Variants in NUP214 observed in about 807,000 individuals in gnomAD.
NUP214 encodes the protein nucleoporin 214.
Under a neutral mutation model 196.2 loss-of-function variants are expected in NUP214, and 79 were observed. That is an observed-to-expected ratio of 0.40 (90% CI 0.34 to 0.49). The LOEUF (loss-of-function observed/expected upper bound fraction) is 0.49. Ranked by LOEUF, NUP214 falls within the 20% of genes least tolerant of loss-of-function variation. The probability of loss-of-function intolerance (pLI) is 0.58; values close to 1 mark genes in which losing one functional copy is unlikely to be tolerated. For synonymous variants in NUP214, 1,020 were observed against 990.5 expected (o/e 1.03, Z -0.56); for missense variants, 2,468 against 2,539.0 (o/e 0.97, Z 0.60).
In NUP214 at chr9:131,125,587, AG is replaced by A. The variant is rs772528549; in HGVS notation, c.-116del. The stretch of plus-strand genomic sequence containing the variant: ...GTCACCAAAGCGCGCCGGAAATGCG[AG>A]GTCAACTGCGCGCCGCTGGCGCTGA... On this transcript the variant is annotated 5_prime_UTR_variant, in exon 1 of 36. Coordinates refer to ENST00000359428, the MANE Select transcript of NUP214 (RefSeq NM_005085.4). The surrounding 1 kb of genome is among the most constrained non-coding windows in gnomAD (Gnocchi z 4.1). 99 of 1,547,418 alleles carry A rather than the reference AG, an allele frequency of 6.4e-5. No individual in the cohort carries two copies. Among genetic ancestry groups the A allele is most frequent in the African/African-American group, 2.2e-4 (16 of 72,998 alleles).
chr9:131,192,169 C>CTTTTTTTTTTTTTTTTTTT (rs66652901), intron 26 of NUP214, 39 bp from the exon 27 acceptor site: 14 of 447,484 alleles, frequency 3.1e-5, no homozygotes, highest in East Asian at 8.7e-5. Flanking sequence ...TTGTAATATT[C>CTTTTTTTTTTTTTTTTTTT]TTTTTTTTTT....
intron 34 of NUP214, among the ~76,000 whole-genome samples, chr9:131,231,041 G>C (rs1242906763): frequency 6.6e-6 from 1 of 152,010 alleles, no homozygotes; most frequent in Admixed American, 6.6e-5. Flanking sequence ...ACACACCTGT[G>C]GTCCCAGCTA....
chr9:131,148,047 C>T (rs996043717), intron 14 of NUP214, among the ~76,000 whole-genome samples: 3 of 152,184 alleles, frequency 2.0e-5, no homozygotes, highest in African/African-American at 7.2e-5. Context: ...ATTAGCCGGG[C>T]GTGGTGGCAC....
rs758928069 is a variant in NUP214, at chr9:131,192,208, G to A, written c.3575G>A (p.Gly1192Glu). 3 of 743,896 alleles carry A rather than the reference G, an allele frequency of 4.0e-6. No individual in the cohort carries two copies. Among genetic ancestry groups the A allele is most frequent in the Non-Finnish European group, 6.2e-6 (3 of 482,946 alleles). The allele number at this position is 743,896 out of a possible 1,614,324, so 46.1% of individuals were successfully genotyped here. Reference protein sequence around the residue: ...GQLSSGDKASGTAKIETAVTS... With the variant: ...GQLSSGDKASETAKIETAVTS... Reference sequence around the variant, plus strand: ...TTTTTTTTTTTTTCCATAATTTCAGGGACAGCCAAGATAGAAACAGCTGTG... The same window carrying A: ...TTTTTTTTTTTTTCCATAATTTCAGAGACAGCCAAGATAGAAACAGCTGTG... The change falls in exon 27 of 36, where the codon GGG (glycine) becomes GAG (glutamate). Residue 1192 changes from glycine (G) to glutamate (E), a missense_variant and splice_region_variant. By Grantham distance (98) the Gly-to-Glu change is moderately conservative. Transcript: ENST00000359428.
chr9:131,207,169 A>G (rs1392358879), intron 30 of NUP214, among the ~76,000 whole-genome samples: 2 of 152,246 alleles, frequency 1.3e-5, no homozygotes, highest in African/African-American at 2.4e-5. Context: ...GATGATGTAG[A>G]AGTCACACTT....
Position 131,125,759 on chromosome 9 carries a change from TA to T in NUP214, c.45+12del, listed in dbSNP as rs1400987716. 6.4e-7 allele frequency: 1 copy of T among 1,551,064 alleles called. No individual in the cohort carries two copies. ...CGAGCGGGAGATGAAGGTCAGAGAC[TA>T]ACCGGGGCCTCCCTCCCTTCTTTAG... On this transcript the variant is annotated intron_variant, in intron 1 of 35. Coordinates refer to ENST00000359428, the MANE Select transcript of NUP214 (RefSeq NM_005085.4). This position sits in a 1 kb window ranked among gnomAD's most constrained non-coding sequence, Gnocchi z 4.1.
chr9:131,206,133 A>ATTTTT (rs58091633), intron 30 of NUP214, among the ~76,000 whole-genome samples: 1 of 50,546 alleles, frequency 2.0e-5, no homozygotes, highest in African/African-American at 7.6e-5. Flanking sequence ...TCCACATAGA[A>ATTTTT]TTTTTTTCTT....
In NUP214 at chr9:131,197,288, A is replaced by G. The variant is rs1833813787; in HGVS notation, c.3794A>G (p.Tyr1265Cys). The change falls in exon 29 of 36, where the codon TAT (tyrosine) becomes TGT (cysteine). Residue 1265 changes from tyrosine (Y) to cysteine (C), a missense_variant. Coordinates refer to ENST00000359428, the MANE Select transcript of NUP214 (RefSeq NM_005085.4). ...FSSGGGSKPS[Y>C]EAIPESSPPS... ...TCTGGTGGGGGAAGCAAACCTTCTTATGAGGCCATTCCTGAAAGCTCACCT... is the reference window on the plus strand; with the variant it reads ...TCTGGTGGGGGAAGCAAACCTTCTTGTGAGGCCATTCCTGAAAGCTCACCT... 1 of 1,614,132 alleles carries G rather than the reference A, an allele frequency of 6.2e-7. No individual in the cohort carries two copies. Among genetic ancestry groups the G allele is most frequent in the Non-Finnish European group, 8.5e-7 (1 of 1,180,020 alleles).
chr9:131,125,709 G>A lies in NUP214; in HGVS notation c.5G>A (p.Gly2Glu), dbSNP rs1204254800. Residue 2 changes from glycine to glutamate, a missense_variant, in exon 1 of 36, where the codon GGA (glycine) becomes GAA (glutamate). Around this residue, in one of 5 missense-constraint regions of NUP214, gnomAD observed 392 missense variants for 417.9 expected, o/e 0.94. Coordinates refer to ENST00000359428, the MANE Select transcript of NUP214 (RefSeq NM_005085.4). The surrounding 1 kb of genome is among the most constrained non-coding windows in gnomAD (Gnocchi z 4.1). ...CGACACACTGAGGGCGGCGCGATGG[G>A]AGACGAGATGGATGCCATGATTCCC... is the stretch of plus-strand genomic sequence containing the variant. M[G>E]DEMDAMIPER... 2 of 1,551,998 alleles carry A rather than the reference G, an allele frequency of 1.3e-6. No individual in the cohort carries two copies. Among genetic ancestry groups the A allele is most frequent in the African/African-American group, 1.4e-5 (1 of 73,074 alleles).
In NUP214 at chr9:131,192,188, TTTTTTTTC is replaced by T. The variant is rs768303583; in HGVS notation, c.3575-19_3575-12del. On this transcript the variant is annotated splice_polypyrimidine_tract_variant and intron_variant, in intron 26 of 35. Coordinates refer to ENST00000359428, the MANE Select transcript of NUP214 (RefSeq NM_005085.4). ...AATATTCTTTTTTTTTTTTTTTTTT[TTTTTTTTC>T]CATAATTTCAGGGACAGCCAAGATA... 5.5e-6 allele frequency: 6 copies of T among 1,094,622 alleles called. No homozygotes were observed. Among genetic ancestry groups the T allele is most frequent in the Middle Eastern group, 2.2e-4 (1 of 4,590 alleles). 67.8% of individuals were successfully genotyped at this position (1,094,622 alleles called of 1,614,324 possible).
chr9:131,140,734 C>T (rs2281901), intron 11 of NUP214, 24 bp downstream of exon 11: 263,212 of 1,602,348 alleles, frequency 0.16, 22,786 homozygotes, highest in East Asian at 0.23. Flanking sequence ...CCTGCTTTAT[C>T]AGTAAGGGAA....
At chr9:131,226,624 C>CTTT (rs60096382) in intron 32 of NUP214, among the ~76,000 whole-genome samples, 2 of 149,868 alleles carry the variant, frequency 1.3e-5, no homozygotes, top group South Asian at 2.1e-4. Context: ...TTTTTTAGCA[C>CTTT]TTTTTTTTTT....
intron 23 of NUP214, among the ~76,000 whole-genome samples, chr9:131,176,850 C>G (rs1157014816): frequency 2.6e-5 from 4 of 152,136 alleles, no homozygotes; most frequent in African/African-American, 7.2e-5. Context: ...TAGTTCTCAA[C>G]TAGAGGCTGC....
At chr9:131,140,847 A>G in intron 11 of NUP214, 137 bp downstream of exon 11, 1 of 786,420 alleles carries the variant, frequency 1.3e-6, no homozygotes, top group Non-Finnish European at 1.9e-6. Flanking sequence ...GCACACACTA[A>G]TCTTTTTTTT....
Position 131,146,098 on chromosome 9 carries a change from C to G in NUP214, c.1770-31C>G. The stretch of plus-strand genomic sequence containing the variant: ...GTGTAAAAGAATCTTCTAGCAGGCT[C>G]TTCTGAGGCCTTCAGGCTGCCATTT... On this transcript the variant is annotated intron_variant, in intron 12 of 35. Transcript: ENST00000359428. The surrounding 1 kb of genome is among the most constrained non-coding windows in gnomAD (Gnocchi z 4.6). 1 of 1,610,336 alleles carries G rather than the reference C, an allele frequency of 6.2e-7. No individual in the cohort carries two copies. Among genetic ancestry groups the G allele is most frequent in the South Asian group, 1.1e-5 (1 of 90,926 alleles).
rs951087083 is a variant in NUP214 at position 131,132,099 on chromosome 9, G to A, written c.664-497G>A. 7.2e-4 allele frequency among the ~76,000 whole-genome samples: 105 copies of A among 146,384 alleles called. 1 individual carries two copies. Among genetic ancestry groups the A allele is most frequent in the Middle Eastern group, 3.5e-3 (1 of 288 alleles). ...TATCTGAACATGTTCATGCGTTCAT[G>A]CGTTTCTTTTCTTTTCTTTCTTTTT... is the stretch of plus-strand genomic sequence containing the variant. On this transcript the variant is annotated intron_variant, in intron 5 of 35. Transcript: ENST00000359428.
At position 131,198,357 on chromosome 9, in the gene NUP214, G is replaced by A. The variant is rs766175736; in HGVS notation, c.4863G>A (p.Thr1621=). ...GTACCCCCATAGCCTCCAGCACCAC[G>A]TCCATTGTTGCTCCCGGCCCATCTG... ...TSSTPIASST[T]SIVAPGPSAE... is the part of the protein sequence containing the mutation. The change falls in exon 29 of 36, where the codon ACG becomes ACA. Residue 1621 remains threonine, a synonymous_variant. Transcript: ENST00000359428. The A allele has an allele frequency of 4.6e-5, 74 of 1,614,086 alleles. No homozygotes were observed. The Admixed American group carries it at 9.3e-4, about 20-fold the overall frequency.
intron 24 of NUP214, among the ~76,000 whole-genome samples, chr9:131,181,481 A>G (rs1205009171): frequency 4.6e-5 from 7 of 152,136 alleles, no homozygotes; most frequent in Non-Finnish European, 1.0e-4. Flanking sequence ...CCACATCCTC[A>G]CCAACACTCA....
In NUP214 at chr9:131,130,759, T is replaced by C. The variant is rs1367807103; in HGVS notation, c.593-7T>C. ...TGTTTTCATTTGGTAATACTGTCTT[T>C]GCTCAGTGTGCTGGAGCCCCAAAGG... On this transcript the variant is annotated splice_region_variant and splice_polypyrimidine_tract_variant and intron_variant, in intron 4 of 35. Transcript: ENST00000359428. The C allele has an allele frequency of 1.2e-6, 2 of 1,613,908 alleles. No homozygotes were observed. Among genetic ancestry groups the C allele is most frequent in the Non-Finnish European group, 1.7e-6 (2 of 1,179,784 alleles).
Sources: allele counts gnomAD v4.1 joint callset (sites outside exome capture counted in the v4.1 genomes callset), GRCh38; gene constraint gnomAD v4.1.1; regional missense constraint gnomAD v4.1.1; non-coding constraint Gnocchi (gnomAD v3.1); transcripts MANE v1.5; gene names NCBI Gene and HGNC (gene_info 2026-07-23, HGNC 2026-07-21).